Variants in CLCN7 observed in about 807,000 individuals in gnomAD.
CLCN7 encodes H(+)/Cl(-) exchange transporter 7.
CLCN7 carries 60 observed loss-of-function variants against 102.1 expected under a neutral mutation model. The observed-to-expected ratio is 0.59, with a 90% CI of 0.48 to 0.73. The LOEUF (loss-of-function observed/expected upper bound fraction) is 0.73. Among genes scored for constraint, CLCN7 ranks in the 30% least tolerant of loss-of-function variants. CLCN7 has a pLI of 0.00. For synonymous variants in CLCN7, 560 were observed against 490.5 expected (o/e 1.14, Z -1.87); for missense variants, 962 against 1,125.7 (o/e 0.85, Z 2.08).
chr16:1,453,427 G>A (rs1311542640), intron 14 of CLCN7, among the ~76,000 whole-genome samples: 5 of 152,172 alleles, frequency 3.3e-5, no homozygotes, highest in Admixed American at 1.3e-4. Flanking sequence ...GGCGCTACCC[G>A]TGCCCCGGCT....
chr16:1,447,333 A>G, intron 23 of CLCN7, 59 bp downstream of exon 23: 1 of 1,367,358 alleles, frequency 7.3e-7, no homozygotes, highest in Non-Finnish European at 9.9e-7. Flanking sequence ...GAGGCTCTGG[A>G]CCCCACCCCC....
chr16:1,465,479 G>C (rs997328389), intron 1 of CLCN7, 141 bp from the exon 2 acceptor site: 3 of 767,882 alleles, frequency 3.9e-6, no homozygotes, highest in Non-Finnish European at 6.7e-6. Flanking sequence ...CTGCCTGCTG[G>C]GTGGGGGCAG....
chr16:1,452,378 C>T (rs35721219), intron 15 of CLCN7: 10,713 of 302,088 alleles, frequency 0.035, 265 homozygotes, highest in Non-Finnish European at 0.048. Context: ...TGCAGATGGA[C>T]GCACGGACGG....
At chr16:1,462,332 C>T (rs1392239818) in intron 2 of CLCN7, among the ~76,000 whole-genome samples, 2 of 149,230 alleles carry the variant, frequency 1.3e-5, no homozygotes, top group African/African-American at 4.9e-5. Flanking sequence ...AGTTCAAGAC[C>T]AGCCTGGGCA....
intron 1 of CLCN7, chr16:1,471,700 A>G (rs2039080184): frequency 6.6e-6 from 1 of 152,218 alleles, no homozygotes; most frequent in South Asian, 2.1e-4. Flanking sequence ...AGACGGGAAA[A>G]CTGGGCAACA....
At chr16:1,451,927 G>A in intron 15 of CLCN7, 1 of 588,030 alleles carries the variant, frequency 1.7e-6, no homozygotes, top group Non-Finnish European at 3.2e-6. Context: ...GGGAAAGGAG[G>A]ACACACACGG....
intron 1 of CLCN7, among the ~76,000 whole-genome samples, chr16:1,470,757 G>A (rs1276133256): frequency 2.6e-5 from 4 of 152,112 alleles, no homozygotes; most frequent in East Asian, 3.9e-4. Context: ...ACCCTCCCCC[G>A]CAGCCTTGCT....
At chr16:1,463,531 T>C (rs1182415779) in intron 2 of CLCN7, among the ~76,000 whole-genome samples, 1 of 152,188 alleles carries the variant, frequency 6.6e-6, no homozygotes, top group Non-Finnish European at 1.5e-5. Context: ...TGAAGTACAA[T>C]GGTGTGATCA....
At chr16:1,453,685 A>G (rs2038789254) in intron 14 of CLCN7, 149 bp downstream of exon 14, 2 of 791,318 alleles carry the variant, frequency 2.5e-6, no homozygotes, top group South Asian at 2.9e-5. Context: ...GACCAGCTCC[A>G]CCGGGGAAAC....
Position 1,474,814 on chromosome 16 carries a change from T to C in CLCN7, c.141+20A>G. 7.6e-7 allele frequency: 1 copy of C among 1,315,984 alleles called. No homozygotes were observed. The highest frequency in any genetic ancestry group is 9.7e-7 in the Non-Finnish European group (1 of 1,032,708). The allele number at this position is 1,315,984 out of a possible 1,614,324, so 81.5% of individuals were successfully genotyped here. Reference sequence around the variant, plus strand: ...CGCACGAGGGCTCAGTTTCCCCGCCTGCGCCCTGCCCGGCCTCACCTGGCG... The same window carrying C: ...CGCACGAGGGCTCAGTTTCCCCGCCCGCGCCCTGCCCGGCCTCACCTGGCG... On this transcript the variant is annotated intron_variant, in intron 1 of 24. Transcript: ENST00000382745.
intron 12 of CLCN7, among the ~76,000 whole-genome samples, chr16:1,454,850 G>A (rs376879469): frequency 3.6e-4 from 55 of 152,328 alleles, no homozygotes; most frequent in Middle Eastern, 3.4e-3. Flanking sequence ...CACCTGCCCC[G>A]AGAGCGGCTG....
rs1333729027 is a variant in CLCN7, at chr16:1,452,742, C to T, written c.1353+13G>A. ...CCCTGCCTGCTGGACCCCGCCCGGG[C>T]CCAGCCTCCCACCTGCAGCGGGTAG... On this transcript the variant is annotated intron_variant, in intron 15 of 24. Coordinates refer to ENST00000382745, the MANE Select transcript of CLCN7 (RefSeq NM_001287.6). 6.3e-7 allele frequency: 1 copy of T among 1,582,622 alleles called. No homozygotes were observed. Among genetic ancestry groups the T allele is most frequent in the South Asian group, 1.1e-5 (1 of 87,354 alleles).
rs768361944 is a variant in CLCN7, at chr16:1,448,394, G to A, written c.1974C>T (p.His658=). The change falls in exon 21 of 25, where the codon CAC becomes CAT. Residue 658 remains histidine, a synonymous_variant. Transcript: ENST00000382745. The stretch of plus-strand genomic sequence containing the variant: ...CATGCTCCACCACGGGGAAGCCGTT[G>A]TGATTGGACGCCGTGTCGCTCAGCA... ...VDVLSDTASN[H]NGFPVVEHAD... 5 of 1,612,788 alleles carry A rather than the reference G, an allele frequency of 3.1e-6. No homozygotes were observed. Among genetic ancestry groups the A allele is most frequent in the Non-Finnish European group, 1.7e-6 (2 of 1,179,966 alleles).
At chr16:1,454,591 C>T (rs2038804857) in intron 12 of CLCN7, 126 bp from the exon 13 acceptor site, 1 of 930,590 alleles carries the variant, frequency 1.1e-6, no homozygotes, top group Non-Finnish European at 1.7e-6. Flanking sequence ...CCCTTCCACG[C>T]AGGCTGCGGA....
At position 1,474,954 on chromosome 16, in the gene CLCN7, C is replaced by T; in HGVS notation, c.21G>A (p.Lys7=). Residue 7 remains lysine, a synonymous_variant, in exon 1 of 25, where the codon AAG becomes AAA. Coordinates refer to ENST00000382745, the MANE Select transcript of CLCN7 (RefSeq NM_001287.6). MANVSK[K]VSWSGRDRDD... The stretch of plus-strand genomic sequence containing the variant: ...CCCGGTCCCGGCCGGACCAGGACAC[C>T]TTCTTAGAGACGTTGGCCATGGCCC... The T allele has an allele frequency of 6.7e-7, 1 of 1,491,248 alleles. No homozygotes were observed. The highest frequency in any genetic ancestry group is 8.9e-7 in the Non-Finnish European group (1 of 1,125,528). The allele number at this position is 1,491,248 out of a possible 1,614,324, so 92.4% of individuals were successfully genotyped here. A position where few individuals can be genotyped will look rare whatever the true frequency, so the allele number is the denominator to read the frequency against.
chr16:1,470,861 G>T (rs1430285588), intron 1 of CLCN7, among the ~76,000 whole-genome samples: 2 of 152,164 alleles, frequency 1.3e-5, no homozygotes, highest in African/African-American at 4.8e-5. Flanking sequence ...CCCTGCCAAG[G>T]TCTTATGTGG....
At chr16:1,447,205 G>A (rs2038662548) in intron 23 of CLCN7, 119 bp from the exon 24 acceptor site, 7 of 1,167,684 alleles carry the variant, frequency 6.0e-6, no homozygotes, top group African/African-American at 1.5e-5. Context: ...GAGCCCCCAC[G>A]CCCGTCTGGC....
chr16:1,446,612 T>C lies in CLCN7; in HGVS notation c.*19A>G, dbSNP rs11860968. On this transcript the variant is annotated 3_prime_UTR_variant, in exon 25 of 25. Coordinates refer to ENST00000382745, the MANE Select transcript of CLCN7 (RefSeq NM_001287.6). ...GCCGGGGTGCCAGCGCCAGTGCCCA[T>C]TATGGGCAGGGCTGGGCCTCACGTC... is the stretch of plus-strand genomic sequence containing the variant. The C allele has an allele frequency of 0.1, 155,476 of 1,551,948 alleles. 8,926 individuals are homozygous for C. The highest frequency in any genetic ancestry group is 0.19 in the African/African-American group (14,045 of 73,144).
intron 12 of CLCN7, among the ~76,000 whole-genome samples, chr16:1,454,829 A>T (rs948042962): frequency 6.6e-5 from 10 of 152,194 alleles, no homozygotes; most frequent in African/African-American, 2.4e-4. Flanking sequence ...CCTGGAAACT[A>T]GGCCTGAGCC....
Sources: allele counts gnomAD v4.1 joint callset (sites outside exome capture counted in the v4.1 genomes callset), GRCh38; gene constraint gnomAD v4.1.1; transcripts MANE v1.5; gene names NCBI Gene and HGNC (gene_info 2026-07-23, HGNC 2026-07-21).